The following NACC2 variants were observed in gnomAD, a reference collection of about 807,000 sequenced individuals.
NACC2 encodes nucleus accumbens-associated protein 2.
NACC2 carries 8 observed loss-of-function variants against 25.1 expected under a neutral mutation model. That is an observed-to-expected ratio of 0.32 (90% confidence interval 0.19 to 0.57). The LOEUF (loss-of-function observed/expected upper bound fraction) is 0.57, where lower values mean the gene tolerates loss of function less well. Ranked by LOEUF, NACC2 falls within the 20% of genes least tolerant of loss-of-function variation. The pLI is 0.89. For synonymous variants in NACC2, 435 were observed against 294.7 expected (o/e 1.48, Z -4.88); for missense variants, 644 against 650.2 (o/e 0.99, Z 0.10).
At chr9:136,024,769 A>G (rs536986757) in intron 2 of NACC2, among the ~76,000 whole-genome samples, 1 of 152,192 alleles carries the variant, frequency 6.6e-6, no homozygotes, top group African/African-American at 2.4e-5. Context: ...CCCTCATCAA[A>G]AACAACTACC....
intron 1 of NACC2, among the ~76,000 whole-genome samples, chr9:136,069,185 C>T (rs777048853): frequency 1.7e-4 from 25 of 146,118 alleles, no homozygotes; most frequent in South Asian, 8.3e-4. Flanking sequence ...GGATCATAGG[C>T]GTGAACTGCC....
chr9:136,024,136 AGTGTGTGTGTGGGGACAGAGTGT>A (rs1156847201), intron 2 of NACC2, among the ~76,000 whole-genome samples: 5 of 134,086 alleles, frequency 3.7e-5, no homozygotes, highest in Admixed American at 3.6e-4. Flanking sequence ...GTGTGAGGAC[AGTGTGTGTGTGGGGACAGAGTGT>A]GTGTGTGTGT....
At chr9:136,071,448 C>A (rs1841150379) in intron 1 of NACC2, among the ~76,000 whole-genome samples, 1 of 146,230 alleles carries the variant, frequency 6.8e-6, no homozygotes, top group Admixed American at 7.2e-5. Context: ...GAGGCTGAAG[C>A]AGGAGAATCA....
chr9:136,062,924 GTAAA>G (rs989994408), intron 1 of NACC2, among the ~76,000 whole-genome samples: 2 of 152,136 alleles, frequency 1.3e-5, no homozygotes, highest in Admixed American at 1.3e-4. Flanking sequence ...CTCTAAATAA[GTAAA>G]TAAATAAAAT....
In NACC2 at chr9:136,008,393, G is replaced by C. The variant is rs888084911; in HGVS notation, c.*3123C>G. On this transcript the variant is annotated 3_prime_UTR_variant, in exon 6 of 6. Transcript: ENST00000277554. Reference sequence around the variant, plus strand: ...ACCTGCCAGGCGGCAGCTCCAACACGGTCCAGTCCCTTCTGTCCTCCTCAA... The same window carrying C: ...ACCTGCCAGGCGGCAGCTCCAACACCGTCCAGTCCCTTCTGTCCTCCTCAA... 2 of 152,360 alleles carry C rather than the reference G, an allele frequency of 1.3e-5. No homozygotes were observed. The highest frequency in any genetic ancestry group is 1.5e-5 in the Non-Finnish European group (1 of 68,174). The allele number at this position is 152,360 out of a possible 1,614,324, so 9.4% of individuals were successfully genotyped here. A position where few individuals can be genotyped will look rare whatever the true frequency, so the allele number is the denominator to read the frequency against.
intron 2 of NACC2, among the ~76,000 whole-genome samples, chr9:136,034,477 C>T (rs1840522942): frequency 1.3e-5 from 2 of 152,122 alleles, no homozygotes; most frequent in African/African-American, 4.8e-5. Context: ...TATGTAAATT[C>T]CTAGCTCTGA....
chr9:136,036,352 T>TA (rs1285093671), intron 2 of NACC2, among the ~76,000 whole-genome samples: 8 of 151,844 alleles, frequency 5.3e-5, no homozygotes, highest in Admixed American at 2.0e-4. Flanking sequence ...CAGCATCTAT[T>TA]AAAAAAAACA....
chr9:136,088,038 G>C (rs1003351109), intron 1 of NACC2, among the ~76,000 whole-genome samples: 8 of 152,286 alleles, frequency 5.3e-5, no homozygotes, highest in African/African-American at 1.9e-4. Context: ...GAGGTGACCT[G>C]GAAGACGGGC....
In NACC2 at chr9:136,074,340, C is replaced by A. The variant is rs1830233143; in HGVS notation, c.-60+20849G>T. Among the ~76,000 whole-genome samples the A allele has an allele frequency of 3.4e-5, 5 of 146,048 alleles. No individual in the cohort carries two copies. In the South Asian group the frequency reaches 9.1e-4, roughly 27 times the overall value. ...TGGTGGTGGGCGCCTGTAGTCCCAGCTACTCGGGAGGCTGAGGCAGGAGAA... is the reference window on the plus strand; with the variant it reads ...TGGTGGTGGGCGCCTGTAGTCCCAGATACTCGGGAGGCTGAGGCAGGAGAA... On this transcript the variant is annotated intron_variant, in intron 1 of 5. Transcript: ENST00000277554.
chr9:136,052,770 C>T (rs887768168), intron 1 of NACC2, among the ~76,000 whole-genome samples: 1 of 152,258 alleles, frequency 6.6e-6, no homozygotes, highest in Non-Finnish European at 1.5e-5. Flanking sequence ...CCCGCACACT[C>T]CTGGCTGCGG....
intron 1 of NACC2, among the ~76,000 whole-genome samples, chr9:136,089,345 C>T (rs1830411854): frequency 6.6e-6 from 1 of 152,124 alleles, no homozygotes; most frequent in African/African-American, 2.4e-5. Flanking sequence ...AAGGGGGCTC[C>T]CCCTCCCCAC....
intron 2 of NACC2, among the ~76,000 whole-genome samples, chr9:136,043,878 T>G (rs1224050873): frequency 6.6e-6 from 1 of 152,128 alleles, no homozygotes; most frequent in Non-Finnish European, 1.5e-5. Flanking sequence ...CAGGCTGGAG[T>G]GCAGTGGCGC....
chr9:136,064,027 G>T (rs1025663582), intron 1 of NACC2, among the ~76,000 whole-genome samples: 4 of 152,108 alleles, frequency 2.6e-5, no homozygotes, highest in African/African-American at 4.8e-5. Context: ...GGTAACTCAG[G>T]CCTATAATCC....
At chr9:136,058,709 C>T (rs983276276) in intron 1 of NACC2, among the ~76,000 whole-genome samples, 2 of 152,194 alleles carry the variant, frequency 1.3e-5, no homozygotes, top group Non-Finnish European at 2.9e-5. Context: ...CAAACCTGTA[C>T]ACGTATCTCT....
At chr9:136,062,114 AGACAGGACAG>A (rs10597829) in intron 1 of NACC2, among the ~76,000 whole-genome samples, 35,337 of 142,360 alleles carry the variant, frequency 0.25, 5,041 homozygotes, top group East Asian at 0.47. Flanking sequence ...CAACAGAGCG[AGACAGGACAG>A]GACAGGACAG....
At chr9:136,014,009 G>A (rs745785649) in intron 3 of NACC2, 40 bp from the exon 4 acceptor site, 21 of 1,538,578 alleles carry the variant, frequency 1.4e-5, no homozygotes, top group African/African-American at 2.7e-5. Flanking sequence ...TGGCCTTCCC[G>A]GGCCATAGGG....
intron 2 of NACC2, among the ~76,000 whole-genome samples, chr9:136,023,119 G>GGAGGGAGGGA (rs1164302353): frequency 1.2e-5 from 1 of 83,688 alleles, no homozygotes; most frequent in Non-Finnish European, 2.6e-5. Context: ...GAGGGAGGGG[G>GGAGGGAGGGA]AGGAGGGAGG....
intron 1 of NACC2, among the ~76,000 whole-genome samples, chr9:136,054,079 G>A (rs900557350): frequency 2.6e-5 from 4 of 152,248 alleles, no homozygotes; most frequent in African/African-American, 4.8e-5. Context: ...GGGGGTGAAT[G>A]GAACAATGTT....
intron 2 of NACC2, among the ~76,000 whole-genome samples, chr9:136,044,432 T>C (rs1302044614): frequency 2.6e-5 from 4 of 152,178 alleles, no homozygotes; most frequent in South Asian, 4.2e-4. Flanking sequence ...GCAGGGGTAT[T>C]GGCCCTTCAA....
Sources: allele counts gnomAD v4.1 joint callset (sites outside exome capture counted in the v4.1 genomes callset), GRCh38; gene constraint gnomAD v4.1.1; transcripts MANE v1.5; gene names NCBI Gene and HGNC (gene_info 2026-07-23, HGNC 2026-07-21).